CES5A: variants seen among roughly 807,000 people sequenced by gnomAD.
CES5A encodes the protein carboxylesterase 5.
A neutral mutation model predicts 62.9 loss-of-function variants in CES5A; 67 were observed. That is an observed-to-expected ratio of 1.07 (90% CI 0.88 to 1.31). The LOEUF (loss-of-function observed/expected upper bound fraction) is 1.31. Among genes scored for constraint, CES5A ranks in the 50% most tolerant of loss-of-function variants. CES5A has a pLI of 0.00. For synonymous variants in CES5A, 296 were observed against 280.8 expected (o/e 1.05, Z -0.54); for missense variants, 748 against 708.5 (o/e 1.06, Z -0.63).
chr16:55,863,331 G>A lies in CES5A; in HGVS notation c.810+17C>T. 1.6e-6 allele frequency: 2 copies of A among 1,279,236 alleles called. No homozygotes were observed. The highest frequency in any genetic ancestry group is 2.3e-6 in the Non-Finnish European group (2 of 874,638). 79.2% of individuals were successfully genotyped at this position (1,279,236 alleles called of 1,614,324 possible). On this transcript the variant is annotated intron_variant, in intron 6 of 12. Transcript: ENST00000290567. ...ACTGAGGAGAGGAAGGTGGCAAGGT[G>A]TTAACAGTATACGTACGTCCTCACT...
intron 1 of CES5A, among the ~76,000 whole-genome samples, chr16:55,874,728 C>T (rs1162945324): frequency 1.3e-5 from 2 of 152,172 alleles, no homozygotes; most frequent in African/African-American, 4.8e-5. Context: ...TCAGTCACCA[C>T]ACAGAACGTG....
At chr16:55,893,052 C>G (rs1282109773) in intron 1 of CES5A, among the ~76,000 whole-genome samples, 1 of 152,164 alleles carries the variant, frequency 6.6e-6, no homozygotes, top group Non-Finnish European at 1.5e-5. Flanking sequence ...TGGTCCCTGC[C>G]TGCCAATTCT....
chr16:55,894,231 G>T (rs1425614878), intron 1 of CES5A, among the ~76,000 whole-genome samples: 1 of 152,082 alleles, frequency 6.6e-6, no homozygotes, highest in Non-Finnish European at 1.5e-5. Flanking sequence ...ATAATAGGCT[G>T]GGCGTGGTGG....
Position 55,854,544 on chromosome 16 carries a change from CT to C in CES5A, c.1126-1517del, listed in dbSNP as rs56017491. ...CCTGTAGTGTTTCTTTTTTTTTTTT[CT>C]TTTTTTTTTTTTGAGACAGAGTCTC... On this transcript the variant is annotated intron_variant, in intron 9 of 12. Transcript: ENST00000290567. Among the ~76,000 whole-genome samples, 492 of 64,410 alleles carry C rather than the reference CT, an allele frequency of 7.6e-3. 39 individuals are homozygous for C. Among genetic ancestry groups the C allele is most frequent in the African/African-American group, 0.032 (452 of 14,328 alleles). The allele number at this position is 64,410 out of a possible 152,430, so 42.3% of individuals were successfully genotyped here.
At chr16:55,888,830 T>C (rs2033843240) in intron 1 of CES5A, among the ~76,000 whole-genome samples, 1 of 152,200 alleles carries the variant, frequency 6.6e-6, no homozygotes, top group Non-Finnish European at 1.5e-5. Context: ...TCTTCAAATC[T>C]AGATCTCTGT....
At chr16:55,863,051 T>C (rs1156335945) in intron 6 of CES5A, among the ~76,000 whole-genome samples, 1 of 152,228 alleles carries the variant, frequency 6.6e-6, no homozygotes, top group Non-Finnish European at 1.5e-5. Context: ...ACAGAAGAAC[T>C]GTATAGAATA....
chr16:55,849,971 G>A (rs4309387), intron 10 of CES5A, among the ~76,000 whole-genome samples, 198 bp from the exon 11 acceptor site: 107,668 of 152,158 alleles, frequency 0.71, 38,206 homozygotes, highest in East Asian at 0.78. Flanking sequence ...AAGAGCTCAC[G>A]TCTGAGAAGG....
At chr16:55,929,882 A>G (rs557313324), upstream of CES5A, among the ~76,000 whole-genome samples, 4 of 152,102 alleles carry the variant, frequency 2.6e-5, no homozygotes, top group Non-Finnish European at 5.9e-5. Context: ...TTTGGCCCCC[A>G]CTTCAGTTCT....
intron 2 of CES5A, among the ~76,000 whole-genome samples, chr16:55,945,304 G>A (rs559575422): frequency 5.3e-5 from 8 of 152,206 alleles, no homozygotes; most frequent in Non-Finnish European, 1.0e-4. Context: ...TTAATGGCTT[G>A]GAAAAGTTAA....
chr16:55,935,546 A>G (rs1206958504), intron 2 of CES5A, among the ~76,000 whole-genome samples: 2 of 152,160 alleles, frequency 1.3e-5, no homozygotes, highest in Admixed American at 6.5e-5. Context: ...CATCACATCC[A>G]TCTTAGAATA....
Position 55,853,828 on chromosome 16 carries a change from C to T in CES5A, c.1126-800G>A, listed in dbSNP as rs147307928. Among the ~76,000 whole-genome samples, 389 of 152,214 alleles carry T rather than the reference C, an allele frequency of 2.6e-3. 1 individual carries two copies. The South Asian group carries it at 0.027, about 10-fold the overall frequency. On this transcript the variant is annotated intron_variant, in intron 9 of 12. Coordinates refer to ENST00000290567, the MANE Select transcript of CES5A (RefSeq NM_001143685.2). ...TAAATTCCATGAAGATTCAGGGATCCGGTGCTCTAGGAAATGCTGGAAAGG... is the reference window on the plus strand; with the variant it reads ...TAAATTCCATGAAGATTCAGGGATCTGGTGCTCTAGGAAATGCTGGAAAGG...
intron 3 of CES5A, among the ~76,000 whole-genome samples, chr16:55,871,201 G>A (rs774881032): frequency 2.6e-4 from 39 of 152,168 alleles, no homozygotes; most frequent in Non-Finnish European, 4.4e-4. Flanking sequence ...TTACTGACAC[G>A]GGGATATTTT....
chr16:55,885,719 G>A (rs1567340967), intron 1 of CES5A, among the ~76,000 whole-genome samples: 1 of 152,144 alleles, frequency 6.6e-6, no homozygotes, highest in Non-Finnish European at 1.5e-5. Flanking sequence ...TGATGTAAAT[G>A]TTGTGACAGA....
Position 55,871,869 on chromosome 16 carries a change from G to T in CES5A, c.279-106C>A. ...GGAGGCCTGGCCGTCTCCTCTGCCT[G>T]AGCAGAAGAGGCAGCTACCGGTACA... On this transcript the variant is annotated intron_variant, in intron 2 of 12. Coordinates refer to ENST00000290567, the MANE Select transcript of CES5A (RefSeq NM_001143685.2). 7.7e-6 allele frequency: 9 copies of T among 1,173,078 alleles called. No homozygotes were observed. The South Asian group carries it at 8.6e-5, about 11-fold the overall frequency. The allele number at this position is 1,173,078 out of a possible 1,614,324, so 72.7% of individuals were successfully genotyped here. A position where few individuals can be genotyped will look rare whatever the true frequency, so the allele number is the denominator to read the frequency against.
chr16:55,848,324 T>G (rs11859619), intron 11 of CES5A, among the ~76,000 whole-genome samples: 4,647 of 151,722 alleles, frequency 0.031, 243 homozygotes, highest in African/African-American at 0.1. Context: ...TTACTATGTT[T>G]CCCAAACTGG....
intron 1 of CES5A, among the ~76,000 whole-genome samples, chr16:55,913,971 A>C (rs2034120359): frequency 6.6e-6 from 1 of 152,190 alleles, no homozygotes; most frequent in Non-Finnish European, 1.5e-5. Flanking sequence ...GTGCTGCAGA[A>C]ATCAGAGTCA....
chr16:55,895,201 TG>T (rs2033919706), intron 1 of CES5A, among the ~76,000 whole-genome samples: 1 of 151,966 alleles, frequency 6.6e-6, no homozygotes, highest in Middle Eastern at 3.2e-3. Context: ...CTAATTTGGT[TG>T]TTTTTTTTTC....
intron 1 of CES5A, among the ~76,000 whole-genome samples, chr16:55,907,398 G>A (rs1194404910): frequency 2.6e-5 from 4 of 152,228 alleles, no homozygotes; most frequent in African/African-American, 9.6e-5. Context: ...TGTATAGTGA[G>A]GATTCTCTGC....
intron 1 of CES5A, among the ~76,000 whole-genome samples, chr16:55,921,593 C>T (rs2034204669): frequency 6.7e-6 from 1 of 149,388 alleles, no homozygotes; most frequent in Non-Finnish European, 1.5e-5. Context: ...TACCACCAGA[C>T]CCATCAGACA....
Sources: allele counts gnomAD v4.1 joint callset (sites outside exome capture counted in the v4.1 genomes callset), GRCh38; gene constraint gnomAD v4.1.1; transcripts MANE v1.5; gene names NCBI Gene and HGNC (gene_info 2026-07-23, HGNC 2026-07-21).